The following PCNX1 variants were observed in gnomAD, a reference collection of about 807,000 sequenced individuals.
PCNX1 encodes pecanex-like protein 1.
In PCNX1, 78 loss-of-function variants were observed where a neutral mutation model predicts 242.2. That is an observed-to-expected ratio of 0.32 (90% CI 0.27 to 0.39). The LOEUF (loss-of-function observed/expected upper bound fraction) is 0.39, where lower values mean the gene tolerates loss of function less well. Ranked by LOEUF, PCNX1 falls within the 10% of genes least tolerant of loss-of-function variation. The pLI is 1.00. For missense variants in PCNX1, 2,581 were observed against 2,856.5 expected (o/e 0.90, Z 2.20); for synonymous variants, 1,024 against 1,032.9 (o/e 0.99, Z 0.17).
In PCNX1 at chr14:70,977,925, C is replaced by T. The variant is rs538385263; in HGVS notation, c.1588C>T (p.Arg530Cys). 4.7e-5 allele frequency: 76 copies of T among 1,614,080 alleles called. No homozygotes were observed. In the East Asian group the frequency reaches 1.4e-3, roughly 29 times the overall value. The change falls in exon 6 of 36, where the codon CGT becomes TGT. Residue 530 changes from arginine to cysteine, a missense_variant. This residue lies in a region of PCNX1 where 1,204 missense variants were observed against 1,216.7 expected (regional missense o/e 0.99). Transcript: ENST00000304743. The part of the protein sequence containing the change: ...KSAVSVDSKV[R>C]KDVGGKQKEG... ...AGCTGTTTCTGTGGATTCCAAAGTGCGTAAAGATGTTGGTGGAAAGCAAAA... is the reference window on the plus strand; with the variant it reads ...AGCTGTTTCTGTGGATTCCAAAGTGTGTAAAGATGTTGGTGGAAAGCAAAA...
intron 10 of PCNX1, 63 bp from the exon 11 acceptor site, chr14:71,012,922 G>T: frequency 3.9e-6 from 4 of 1,023,830 alleles, no homozygotes; most frequent in Non-Finnish European, 3.0e-6. Context: ...ATTTTATTTT[G>T]AATAAACATA....
chr14:71,087,254 G>T (rs566386193), intron 28 of PCNX1, among the ~76,000 whole-genome samples: 3 of 151,640 alleles, frequency 2.0e-5, no homozygotes, highest in Non-Finnish European at 2.9e-5. Context: ...TTTTCAAAAT[G>T]CCTACTTGAT....
At chr14:71,021,840 G>A (rs1438416340) in intron 12 of PCNX1, among the ~76,000 whole-genome samples, 1 of 151,334 alleles carries the variant, frequency 6.6e-6, no homozygotes, top group Non-Finnish European at 1.5e-5. Context: ...ATCCCTCTTT[G>A]TTCTTTCAAC....
chr14:70,923,437 A>G (rs903683685), intron 1 of PCNX1, among the ~76,000 whole-genome samples: 1 of 152,082 alleles, frequency 6.6e-6, no homozygotes, highest in African/African-American at 2.4e-5. Flanking sequence ...CAATACTTTT[A>G]AAATATGGCA....
chr14:70,934,245 T>A (rs968866666), intron 1 of PCNX1, among the ~76,000 whole-genome samples: 1 of 152,202 alleles, frequency 6.6e-6, no homozygotes, highest in African/African-American at 2.4e-5. Context: ...TGGATGAAAT[T>A]GCGCAATTTT....
rs756035687 is a variant in PCNX1, at chr14:70,999,131, TTC to T, written c.2629+3208_2629+3209del. On this transcript the variant is annotated intron_variant, in intron 8 of 35. Coordinates refer to ENST00000304743, the MANE Select transcript of PCNX1 (RefSeq NM_014982.3). ...GAGACTGAATCAGGTAGCCTTAAAG[TTC>T]TGTTTTATATCTGCTAATCTTTTCT... Among the ~76,000 whole-genome samples the T allele has an allele frequency of 3.0e-4, 45 of 152,322 alleles. 1 individual carries two copies. The highest frequency in any genetic ancestry group is 5.4e-4 in the Non-Finnish European group (37 of 68,010).
intron 19 of PCNX1, among the ~76,000 whole-genome samples, chr14:71,044,175 C>T (rs1445997076): frequency 2.0e-5 from 3 of 152,030 alleles, no homozygotes; most frequent in South Asian, 2.1e-4. Flanking sequence ...GCTAGGGGTA[C>T]GGATGCTAGG....
At chr14:71,044,806 A>G (rs1174913954) in intron 19 of PCNX1, among the ~76,000 whole-genome samples, 1 of 152,208 alleles carries the variant, frequency 6.6e-6, no homozygotes, top group Non-Finnish European at 1.5e-5. Context: ...AAACAATTTA[A>G]TACATTGCTC....
At chr14:71,055,935 T>G (rs189693914) in intron 25 of PCNX1, among the ~76,000 whole-genome samples, 157 of 152,286 alleles carry the variant, frequency 1.0e-3, no homozygotes, top group Non-Finnish European at 1.8e-3. Context: ...CCTCAATGTT[T>G]TGGTCAATAT....
chr14:70,948,713 A>T (rs999423110), intron 2 of PCNX1, among the ~76,000 whole-genome samples: 3 of 149,766 alleles, frequency 2.0e-5, no homozygotes, highest in African/African-American at 7.3e-5. Flanking sequence ...ACACACATAC[A>T]CATAAGTGTA....
In PCNX1 at chr14:70,977,515, C is replaced by A. The variant is rs767540400; in HGVS notation, c.1178C>A (p.Thr393Asn). 8 of 1,614,148 alleles carry A rather than the reference C, an allele frequency of 5.0e-6. No individual in the cohort carries two copies. Among genetic ancestry groups the A allele is most frequent in the Non-Finnish European group, 5.9e-6 (7 of 1,180,030 alleles). ...TACTGCAGTGGAACGGACCGGGACA[C>A]TAACAGTACTGTCAGCAGCTATAAA... ...ESYCSGTDRD[T>N]NSTVSSYKSE... Residue 393 changes from threonine to asparagine, a missense_variant, in exon 6 of 36, where the codon ACT (threonine) becomes AAT (asparagine). Physicochemically the swap from Thr to Asn is moderately conservative, Grantham distance 65. This residue lies in a region of PCNX1 where 1,204 missense variants were observed against 1,216.7 expected (regional missense o/e 0.99). Transcript: ENST00000304743.
At chr14:70,909,447 C>T (rs1048153828) in intron 1 of PCNX1, among the ~76,000 whole-genome samples, 1 of 152,066 alleles carries the variant, frequency 6.6e-6, no homozygotes, top group African/African-American at 2.4e-5. Flanking sequence ...CATTAATGAA[C>T]GGGTTAATTA....
chr14:70,962,339 C>G lies in PCNX1; in HGVS notation c.468+8C>G, dbSNP rs1257786311. The G allele has an allele frequency of 1.3e-6, 2 of 1,549,836 alleles. No homozygotes were observed. Among genetic ancestry groups the G allele is most frequent in the African/African-American group, 2.7e-5 (2 of 73,516 alleles). ...CTAGATCCAAGCAACCAGGTAGGAA[C>G]CTGCGCTGTTTTATTTTGCCTTTTT... On this transcript the variant is annotated splice_region_variant and intron_variant, in intron 3 of 35. Transcript: ENST00000304743.
chr14:71,033,641 G>A (rs1595316278), intron 17 of PCNX1, 103 bp downstream of exon 17: 2 of 671,340 alleles, frequency 3.0e-6, no homozygotes, highest in Non-Finnish European at 5.2e-6. Flanking sequence ...TTTCCAAAGT[G>A]CTTTGGCCTA....
intron 16 of PCNX1, among the ~76,000 whole-genome samples, chr14:71,029,093 A>G (rs1016936457): frequency 6.6e-6 from 1 of 152,146 alleles, no homozygotes; most frequent in African/African-American, 2.4e-5. Context: ...AGAATATGAA[A>G]TCAATTTTAA....
At chr14:70,921,602 A>G (rs1029027806) in intron 1 of PCNX1, among the ~76,000 whole-genome samples, 3 of 152,188 alleles carry the variant, frequency 2.0e-5, no homozygotes, top group African/African-American at 7.2e-5. Flanking sequence ...TTGAATATTG[A>G]AGAATACCAG....
In PCNX1 at chr14:71,109,499, G is replaced by A. The variant is rs766532689; in HGVS notation, c.6792G>A (p.Arg2264=). ...QILEGINLSK[R]KELQWPDEGI... ...TGGAAGGGATCAACCTGTCTAAAAG[G>A]AAAGAGCTACAGTGGCCTGATGAAG... is the stretch of plus-strand genomic sequence containing the variant. The change falls in exon 35 of 36, where the codon AGG becomes AGA. Residue 2264 remains arginine (R), a synonymous_variant. Transcript: ENST00000304743. 6.2e-7 allele frequency: 1 copy of A among 1,613,862 alleles called. No homozygotes were observed. Among genetic ancestry groups the A allele is most frequent in the Non-Finnish European group, 8.5e-7 (1 of 1,179,740 alleles).
intron 1 of PCNX1, among the ~76,000 whole-genome samples, chr14:70,933,887 T>C (rs1169234818): frequency 1.3e-5 from 2 of 152,314 alleles, no homozygotes; most frequent in Non-Finnish European, 2.9e-5. Context: ...AAAAGATGCA[T>C]TGAAATCCAT....
chr14:70,996,176 T>C (rs2059345665), intron 8 of PCNX1, among the ~76,000 whole-genome samples: 1 of 152,190 alleles, frequency 6.6e-6, no homozygotes, highest in Non-Finnish European at 1.5e-5. Context: ...TGTTAATATA[T>C]GTTCACACTC....
Sources: gnomAD v4.1 joint callset for allele counts (sites outside exome capture counted in the v4.1 genomes callset) on GRCh38, gnomAD v4.1.1 for gene constraint, gnomAD v4.1.1 regional missense constraint, MANE v1.5 for transcripts, NCBI Gene and HGNC (gene_info 2026-07-23, HGNC 2026-07-21) for gene names.